Variants in UMPS observed in about 807,000 individuals in gnomAD.
UMPS encodes the protein uridine 5'-monophosphate synthase.
UMPS carries 21 observed loss-of-function variants against 38.9 expected under a neutral mutation model. The ratio of observed to expected loss-of-function variants is 0.54; its 90% confidence interval spans 0.38 to 0.78. UMPS has a LOEUF of 0.78. Ranked by LOEUF, UMPS falls within the 30% of genes least tolerant of loss-of-function variation. The pLI, the probability that UMPS is intolerant of heterozygous loss-of-function variation, is 0.00. For missense variants in UMPS, 533 were observed against 591.6 expected (o/e 0.90, Z 1.03); for synonymous variants, 208 against 219.3 (o/e 0.95, Z 0.45).
In UMPS at chr3:124,744,604, C is replaced by T. The variant is rs758598245; in HGVS notation, c.*520C>T. The T allele has an allele frequency of 8.8e-6, 4 of 453,712 alleles. No homozygotes were observed. The highest frequency in any genetic ancestry group is 6.2e-5 in the South Asian group (4 of 64,412). 28.1% of individuals were successfully genotyped at this position (453,712 alleles called of 1,614,324 possible). ...TCTTTATTATTTGTAGAGATGAGGT[C>T]TTGCCATGTTACCCAGGCTGGTCTC... On this transcript the variant is annotated 3_prime_UTR_variant, in exon 6 of 6. Coordinates refer to ENST00000232607, the MANE Select transcript of UMPS (RefSeq NM_000373.4).
intron 4 of UMPS, among the ~76,000 whole-genome samples, chr3:124,741,348 G>T (rs1312929437): frequency 6.6e-6 from 1 of 152,122 alleles, no homozygotes; most frequent in Non-Finnish European, 1.5e-5. Context: ...TGGTCTCCGG[G>T]AAGTATCAAA....
Position 124,748,806 on chromosome 3 carries a change from C to T in UMPS, c.*4722C>T. ...GGGACAGAGCCTGAGGTGGCCTGAG[C>T]TTCCTGTGGCTCCAGAGTAACATTA... On this transcript the variant is annotated 3_prime_UTR_variant, in exon 6 of 6. Coordinates refer to ENST00000232607, the MANE Select transcript of UMPS (RefSeq NM_000373.4). 1 of 397,354 alleles carries T rather than the reference C, an allele frequency of 2.5e-6. No homozygotes were observed. The highest frequency in any genetic ancestry group is 1.9e-5 in the South Asian group (1 of 53,376). The allele number at this position is 397,354 out of a possible 1,614,324, so 24.6% of individuals were successfully genotyped here.
chr3:124,733,600 T>C, intron 1 of UMPS: 1 of 188,704 alleles, frequency 5.3e-6, no homozygotes, highest in Non-Finnish European at 1.1e-5. Flanking sequence ...AGTTGCTCAC[T>C]GCAGTAATGT....
Position 124,748,280 on chromosome 3 carries a change from CGGATTTTATTTT to C in UMPS, c.*4202_*4213del, listed in dbSNP as rs1166086298. ...ATAATCAATGCTGTTTTATTAAATG[CGGATTTTATTTT>C]GGATTACAGGATGTAGAATGCCATA... On this transcript the variant is annotated 3_prime_UTR_variant, in exon 6 of 6. Transcript: ENST00000232607. 5.7e-5 allele frequency: 26 copies of C among 453,700 alleles called. No homozygotes were observed. The highest frequency in any genetic ancestry group is 4.8e-4 in the African/African-American group (24 of 49,892). 28.1% of individuals were successfully genotyped at this position (453,700 alleles called of 1,614,324 possible).
At chr3:124,732,555 A>G (rs1400574332) in intron 1 of UMPS, 1 of 154,832 alleles carries the variant, frequency 6.5e-6, no homozygotes, top group Non-Finnish European at 1.5e-5. Context: ...AGGGCCGTAA[A>G]TATGCTTTCC....
At position 124,749,005 on chromosome 3, in the gene UMPS, C is replaced by T. The variant is rs1255909247; in HGVS notation, c.*4921C>T. ...CCATGTCTTCGGGGGTGCCCTTGTG[C>T]ACAGACAGCTCCATAGTCCTGCCTC... is the stretch of plus-strand genomic sequence containing the variant. On this transcript the variant is annotated 3_prime_UTR_variant, in exon 6 of 6. Coordinates refer to ENST00000232607, the MANE Select transcript of UMPS (RefSeq NM_000373.4). 3 of 454,098 alleles carry T rather than the reference C, an allele frequency of 6.6e-6. No individual in the cohort carries two copies. The highest frequency in any genetic ancestry group is 8.8e-6 in the Non-Finnish European group (2 of 226,786). The allele number at this position is 454,098 out of a possible 1,614,324, so 28.1% of individuals were successfully genotyped here.
rs1420937192 is a variant in UMPS, at chr3:124,748,616, G to A, written c.*4532G>A. The A allele has an allele frequency of 2.2e-6, 1 of 454,098 alleles. No homozygotes were observed. The highest frequency in any genetic ancestry group is 2.3e-5 in the Admixed American group (1 of 42,570). The allele number at this position is 454,098 out of a possible 1,614,324, so 28.1% of individuals were successfully genotyped here. A position where few individuals can be genotyped will look rare whatever the true frequency, so the allele number is the denominator to read the frequency against. On this transcript the variant is annotated 3_prime_UTR_variant, in exon 6 of 6. Transcript: ENST00000232607. ...GTGTGGGCTCTCACGTGCTGCTGCTGAATCCCAGGGAAGGAGGGAGGAAGG... is the reference window on the plus strand; with the variant it reads ...GTGTGGGCTCTCACGTGCTGCTGCTAAATCCCAGGGAAGGAGGGAGGAAGG...
chr3:124,744,922 G>T lies in UMPS; in HGVS notation c.*838G>T. 2.2e-6 allele frequency: 1 copy of T among 454,080 alleles called. No homozygotes were observed. The highest frequency in any genetic ancestry group is 4.4e-6 in the Non-Finnish European group (1 of 226,774). The allele number at this position is 454,080 out of a possible 1,614,324, so 28.1% of individuals were successfully genotyped here. ...TCACTCTCCAAAGAGGGGAAGGTGG[G>T]GAAGGGGAAGGTGACTATAGCTCAG... On this transcript the variant is annotated 3_prime_UTR_variant, in exon 6 of 6. Coordinates refer to ENST00000232607, the MANE Select transcript of UMPS (RefSeq NM_000373.4).
rs1476352748 is a variant in UMPS at position 124,748,974 on chromosome 3, G to A, written c.*4890G>A. The A allele has an allele frequency of 2.2e-6, 1 of 454,050 alleles. No individual in the cohort carries two copies. Among genetic ancestry groups the A allele is most frequent in the Admixed American group, 2.3e-5 (1 of 42,572 alleles). 28.1% of individuals were successfully genotyped at this position (454,050 alleles called of 1,614,324 possible). On this transcript the variant is annotated 3_prime_UTR_variant, in exon 6 of 6. Coordinates refer to ENST00000232607, the MANE Select transcript of UMPS (RefSeq NM_000373.4). ...GGCCGCACAACCAAGGTTCTCATGA[G>A]GACAACCATGTCTTCGGGGGTGCCC...
rs957472590 is a variant in UMPS, at chr3:124,746,896, A to T, written c.*2812A>T. 2.2e-6 allele frequency: 1 copy of T among 453,524 alleles called. No individual in the cohort carries two copies. The highest frequency in any genetic ancestry group is 2.3e-5 in the Admixed American group (1 of 42,558). The allele number at this position is 453,524 out of a possible 1,614,324, so 28.1% of individuals were successfully genotyped here. A position where few individuals can be genotyped will look rare whatever the true frequency, so the allele number is the denominator to read the frequency against. On this transcript the variant is annotated 3_prime_UTR_variant, in exon 6 of 6. Transcript: ENST00000232607. ...AGTGTAGCTCCAGAATCGTAAAGGG[A>T]TATGCTCAGTCTCACAGCCAGCCTG...
In UMPS at chr3:124,749,184, C is replaced by G. The variant is rs1399138766; in HGVS notation, c.*5100C>G. 4 of 453,870 alleles carry G rather than the reference C, an allele frequency of 8.8e-6. No individual in the cohort carries two copies. The highest frequency in any genetic ancestry group is 1.8e-5 in the Non-Finnish European group (4 of 226,780). 28.1% of individuals were successfully genotyped at this position (453,870 alleles called of 1,614,324 possible). On this transcript the variant is annotated 3_prime_UTR_variant, in exon 6 of 6. Transcript: ENST00000232607. The stretch of plus-strand genomic sequence containing the variant: ...TTTTCTGCCACAACTTGAATAGATA[C>G]TTGAAGCAGAGATGATGTTGAGTTA...
At position 124,742,238 on chromosome 3, in the gene UMPS, G is replaced by A. The variant is rs1464536845; in HGVS notation, c.1245G>A (p.Leu415=). The A allele has an allele frequency of 6.2e-7, 1 of 1,613,832 alleles. No homozygotes were observed. The highest frequency in any genetic ancestry group is 8.5e-7 in the Non-Finnish European group (1 of 1,179,948). Residue 415 remains leucine, a synonymous_variant, in exon 5 of 6, where the codon TTG becomes TTA. Transcript: ENST00000232607. ...RVSMKPEFLH[L]TPGVQLEAGG... is the part of the protein sequence containing the mutation. The stretch of plus-strand genomic sequence containing the variant: ...GCATGAAACCAGAATTTCTTCACTT[G>A]ACTCCAGGAGTTCAGTTGGAAGCAG...
chr3:124,747,947 G>A lies in UMPS; in HGVS notation c.*3863G>A, dbSNP rs1404235139. ...TTGGTTCCTTTGCCCCTTAACAGGT[G>A]GGTATGAATCGTGTCTTCAGTGCCA... On this transcript the variant is annotated 3_prime_UTR_variant, in exon 6 of 6. Coordinates refer to ENST00000232607, the MANE Select transcript of UMPS (RefSeq NM_000373.4). 2.2e-6 allele frequency: 1 copy of A among 454,018 alleles called. No homozygotes were observed. The highest frequency in any genetic ancestry group is 4.4e-6 in the Non-Finnish European group (1 of 226,756). 28.1% of individuals were successfully genotyped at this position (454,018 alleles called of 1,614,324 possible).
intron 2 of UMPS, chr3:124,737,332 A>G (rs1288142764): frequency 8.0e-6 from 4 of 498,910 alleles, no homozygotes; most frequent in Non-Finnish European, 1.4e-5. Context: ...AATGTGAAAT[A>G]ATTTACTTGA....
At chr3:124,737,468 T>C in intron 2 of UMPS, 100 bp from the exon 3 acceptor site, 1 of 1,103,806 alleles carries the variant, frequency 9.1e-7, no homozygotes, top group Middle Eastern at 2.1e-4. Flanking sequence ...ATATACTGTA[T>C]GTGTAACTGG....
intron 4 of UMPS, among the ~76,000 whole-genome samples, chr3:124,740,811 A>G (rs986961524): frequency 1.9e-4 from 29 of 152,094 alleles, no homozygotes; most frequent in Non-Finnish European, 3.7e-4. Flanking sequence ...ATAACCAGGC[A>G]TGGTGGTACG....
rs760471379 is a variant in UMPS, at chr3:124,737,836, A to T, written c.579A>T (p.Thr193=). The change falls in exon 3 of 6, where the codon ACA becomes ACT. Residue 193 remains threonine (T), a synonymous_variant. Coordinates refer to ENST00000232607, the MANE Select transcript of UMPS (RefSeq NM_000373.4). ...AGCAGAAAAAAGTTGATGCTGAGACAGTTGGGAGAGTGAAGAGGTTTATTC... is the reference window on the plus strand; with the variant it reads ...AGCAGAAAAAAGTTGATGCTGAGACTGTTGGGAGAGTGAAGAGGTTTATTC... ...LEQQKKVDAE[T]VGRVKRFIQE... 1.9e-6 allele frequency: 3 copies of T among 1,614,206 alleles called. No homozygotes were observed. The highest frequency in any genetic ancestry group is 1.1e-5 in the South Asian group (1 of 91,080).
In UMPS at chr3:124,735,227, G is replaced by A. The variant is rs756818557; in HGVS notation, c.291G>A (p.Arg97=). 1.9e-6 allele frequency: 3 copies of A among 1,613,392 alleles called. No homozygotes were observed. In the East Asian group the frequency reaches 6.7e-5, roughly 36 times the overall value. The change falls in exon 2 of 6, where the codon AGG becomes AGA. Residue 97 remains arginine, a synonymous_variant. Coordinates refer to ENST00000232607, the MANE Select transcript of UMPS (RefSeq NM_000373.4). ...STNQIPMLIR[R]KETKDYGTKR... ...ATCAAATTCCAATGCTTATTAGAAGGAAAGAAACAAAGGATTATGGTAAAA... is the reference window on the plus strand; with the variant it reads ...ATCAAATTCCAATGCTTATTAGAAGAAAAGAAACAAAGGATTATGGTAAAA...
In UMPS at chr3:124,745,566, GCTT is replaced by G. The variant is rs2063590412; in HGVS notation, c.*1485_*1487del. ...CCCTCCTGAAGTTTTTACTTCAAGA[GCTT>G]CTGCTCTAAAGTCCAATTTGGGCTT... On this transcript the variant is annotated 3_prime_UTR_variant, in exon 6 of 6. Coordinates refer to ENST00000232607, the MANE Select transcript of UMPS (RefSeq NM_000373.4). The G allele has an allele frequency of 2.2e-6, 1 of 453,896 alleles. No homozygotes were observed. The highest frequency in any genetic ancestry group is 2.0e-5 in the African/African-American group (1 of 49,964). The allele number at this position is 453,896 out of a possible 1,614,324, so 28.1% of individuals were successfully genotyped here. A position where few individuals can be genotyped will look rare whatever the true frequency, so the allele number is the denominator to read the frequency against.
Sources: gnomAD v4.1 joint callset for allele counts (sites outside exome capture counted in the v4.1 genomes callset) on GRCh38, gnomAD v4.1.1 for gene constraint, MANE v1.5 for transcripts, NCBI Gene and HGNC (gene_info 2026-07-23, HGNC 2026-07-21) for gene names.